GPD2: variants seen among roughly 807,000 people sequenced by gnomAD.
GPD2 encodes the protein glycerol-3-phosphate dehydrogenase, mitochondrial.
In GPD2, 54 loss-of-function variants were observed where a neutral mutation model predicts 82.4. The ratio of observed to expected loss-of-function variants is 0.66; its 90% CI spans 0.53 to 0.82. GPD2 has a LOEUF of 0.82. Among genes scored for constraint, GPD2 ranks in the 40% least tolerant of loss-of-function variants. GPD2 has a pLI of 0.00. For synonymous variants in GPD2, 288 were observed against 306.1 expected, an observed-to-expected ratio of 0.94 and a Z score of 0.62; for missense variants, 748 against 896.2, an observed-to-expected ratio of 0.83 and a Z score of 2.11.
intron 1 of GPD2, among the ~76,000 whole-genome samples, chr2:156,451,706 A>C (rs1218745562): frequency 4.4e-5 from 5 of 114,152 alleles, no homozygotes; most frequent in African/African-American, 3.5e-5. Flanking sequence ...TGACCCCCCC[A>C]CCTCCCTCCC....
At chr2:156,550,792 A>T (rs1481876534) in intron 8 of GPD2, 46 bp downstream of exon 8, 2 of 1,512,262 alleles carry the variant, frequency 1.3e-6, no homozygotes, top group East Asian at 2.3e-5. Context: ...AAAGAGGGTC[A>T]GCAGAGATTG....
chr2:156,493,880 C>G (rs1266221491), intron 2 of GPD2, among the ~76,000 whole-genome samples: 1 of 150,924 alleles, frequency 6.6e-6, no homozygotes, highest in Non-Finnish European at 1.5e-5. Flanking sequence ...GTTTTTTTCC[C>G]TCTAGGGTGG....
the GPD2 span, among the ~76,000 whole-genome samples, chr2:156,414,867 T>G: frequency 0.91 from 139,166 of 152,152 alleles, 64,941 homozygotes; most frequent in East Asian, 1. Context: ...GGGATAAATA[T>G]ACCTTTAATA....
At chr2:156,423,863 A>C in the GPD2 span, among the ~76,000 whole-genome samples, 2 of 152,152 alleles carry the variant, frequency 1.3e-5, no homozygotes, top group Non-Finnish European at 2.9e-5. Flanking sequence ...TACCGCTAAG[A>C]GCAGTAGCCA....
At chr2:156,479,440 A>C (rs1048354127) in intron 2 of GPD2, among the ~76,000 whole-genome samples, 5 of 152,198 alleles carry the variant, frequency 3.3e-5, no homozygotes, top group Non-Finnish European at 7.3e-5. Flanking sequence ...CAAGCATATT[A>C]ACAATGCTAT....
upstream of GPD2, among the ~76,000 whole-genome samples, chr2:156,435,960 C>T (rs1688412581): frequency 6.6e-6 from 1 of 152,254 alleles, no homozygotes; most frequent in African/African-American, 2.4e-5. Context: ...CGCCAGCCCG[C>T]TGGCAAGGCG....
intron 3 of GPD2, among the ~76,000 whole-genome samples, chr2:156,500,535 T>TC (rs1342330092): frequency 1.3e-5 from 2 of 152,208 alleles, no homozygotes; most frequent in Non-Finnish European, 2.9e-5. Context: ...CCTGATTGTA[T>TC]CCATTAATCT....
chr2:156,523,054 T>G (rs1685470577), intron 6 of GPD2, among the ~76,000 whole-genome samples: 1 of 152,120 alleles, frequency 6.6e-6, no homozygotes, highest in Admixed American at 6.5e-5. Context: ...CTCACTGCAG[T>G]GAAGCATTCG....
chr2:156,469,342 T>G (rs1300983241), intron 1 of GPD2, among the ~76,000 whole-genome samples: 2 of 152,186 alleles, frequency 1.3e-5, no homozygotes, highest in African/African-American at 2.4e-5. Flanking sequence ...TTTTTGTATT[T>G]TTAGTAGAGA....
chr2:156,566,393 C>A (rs1024234657), intron 9 of GPD2, among the ~76,000 whole-genome samples: 2 of 152,038 alleles, frequency 1.3e-5, no homozygotes, highest in African/African-American at 4.8e-5. Context: ...CCTCTCCCAA[C>A]CCCTTGGCAA....
upstream of GPD2, among the ~76,000 whole-genome samples, chr2:156,430,783 A>G (rs55897613): frequency 3.3e-5 from 5 of 152,378 alleles, no homozygotes; most frequent in East Asian, 5.8e-4. Flanking sequence ...GGCAAGGACT[A>G]AAATAGTTGG....
chr2:156,464,197 AAATGGG>A (rs1454719235), intron 1 of GPD2, among the ~76,000 whole-genome samples: 1 of 152,190 alleles, frequency 6.6e-6, no homozygotes, highest in Non-Finnish European at 1.5e-5. Flanking sequence ...CACTTACTTT[AAATGGG>A]AATTTTGTTA....
chr2:156,414,152 T>G, the GPD2 span, among the ~76,000 whole-genome samples: 27 of 152,348 alleles, frequency 1.8e-4, no homozygotes, highest in African/African-American at 6.5e-4. Flanking sequence ...AGGGTCTTGA[T>G]GTTATTCTCA....
At chr2:156,445,083 G>A (rs1682322242) in intron 1 of GPD2, among the ~76,000 whole-genome samples, 1 of 152,190 alleles carries the variant, frequency 6.6e-6, no homozygotes, top group Non-Finnish European at 1.5e-5. Context: ...AAGGAGTTTA[G>A]CAATTTAACC....
intron 8 of GPD2, among the ~76,000 whole-genome samples, chr2:156,553,670 A>G (rs2105340279): frequency 6.6e-6 from 1 of 152,166 alleles, no homozygotes; most frequent in South Asian, 2.1e-4. Context: ...CCTTAAAATC[A>G]TGTTTTTACA....
chr2:156,500,294 A>G (rs1043188920), intron 3 of GPD2, among the ~76,000 whole-genome samples: 5 of 152,152 alleles, frequency 3.3e-5, no homozygotes, highest in African/African-American at 1.2e-4. Context: ...AGTAGCATTT[A>G]TAATTAAAAT....
chr2:156,429,351 G>A, the GPD2 span, among the ~76,000 whole-genome samples: 2 of 152,196 alleles, frequency 1.3e-5, no homozygotes, highest in Non-Finnish European at 2.9e-5. Flanking sequence ...CATGTTCTCT[G>A]CAAGAGTTTC....
intron 6 of GPD2, among the ~76,000 whole-genome samples, chr2:156,542,681 G>GTT (rs1231635606): frequency 6.6e-6 from 1 of 152,076 alleles, no homozygotes; most frequent in East Asian, 1.9e-4. Context: ...TTTTATATAA[G>GTT]CTTTGAATGT....
chr2:156,485,377 C>G (rs1478660445), intron 2 of GPD2, among the ~76,000 whole-genome samples: 1 of 152,198 alleles, frequency 6.6e-6, no homozygotes, highest in Non-Finnish European at 1.5e-5. Context: ...TGCACCATGG[C>G]TTTCTAGGGC....
Sources: gnomAD v4.1 joint callset for allele counts (sites outside exome capture counted in the v4.1 genomes callset) on GRCh38, gnomAD v4.1.1 for gene constraint, MANE v1.5 for transcripts, NCBI Gene and HGNC (gene_info 2026-07-23, HGNC 2026-07-21) for gene names.